BLTP3B: variants seen among roughly 807,000 people sequenced by gnomAD.
BLTP3B encodes UHRF1 (ICBP90) binding protein 1-like.
chr12:100,116,169 C>CAAAAA, the BLTP3B span, among the ~76,000 whole-genome samples: 2 of 107,054 alleles, frequency 1.9e-5, no homozygotes, highest in East Asian at 3.0e-4. Context: ...GAGACTGTCT[C>CAAAAA]AAAAAAAAAA....
the BLTP3B span, chr12:100,082,942 C>A: frequency 9.9e-7 from 1 of 1,014,526 alleles, no homozygotes; most frequent in Non-Finnish European, 1.5e-6. Context: ...AAAATGGTAG[C>A]ATTTGTTATT....
chr12:100,074,389 A>G, the BLTP3B span, among the ~76,000 whole-genome samples: 1 of 152,190 alleles, frequency 6.6e-6, no homozygotes, highest in East Asian at 1.9e-4. Flanking sequence ...ATTTGAGGCC[A>G]GGAGCTCGAG....
chr12:100,080,530 T>C, the BLTP3B span, among the ~76,000 whole-genome samples: 1 of 152,224 alleles, frequency 6.6e-6, no homozygotes, highest in African/African-American at 2.4e-5. Context: ...AAGATTTGAC[T>C]GTCCTGCTGG....
chr12:100,092,301 T>C, the BLTP3B span, among the ~76,000 whole-genome samples: 1 of 152,220 alleles, frequency 6.6e-6, no homozygotes, highest in Non-Finnish European at 1.5e-5. Context: ...TTCTGTGTGA[T>C]ATCTGAAGTA....
At chr12:100,050,459 C>G in the BLTP3B span, 1 of 676,576 alleles carries the variant, frequency 1.5e-6, no homozygotes, top group Non-Finnish European at 2.2e-6. Context: ...ACCTACAGAA[C>G]ACGGTTGTTA....
chr12:100,097,699 C>A, the BLTP3B span, among the ~76,000 whole-genome samples: 4 of 152,094 alleles, frequency 2.6e-5, no homozygotes, highest in South Asian at 4.1e-4. Flanking sequence ...TATTCATATT[C>A]ATCATATGTA....
the BLTP3B span, among the ~76,000 whole-genome samples, chr12:100,106,163 T>C: frequency 1.3e-5 from 2 of 151,810 alleles, no homozygotes; most frequent in African/African-American, 4.8e-5. Context: ...CTCAAAGAAC[T>C]AAAAGTAGAT....
the BLTP3B span, among the ~76,000 whole-genome samples, chr12:100,117,951 G>A: frequency 1.2e-4 from 19 of 152,016 alleles, 1 homozygote; most frequent in East Asian, 2.3e-3. Flanking sequence ...CAGATTTATC[G>A]TGGAGGAGAT....
chr12:100,129,881 T>C, the BLTP3B span, among the ~76,000 whole-genome samples: 4 of 152,214 alleles, frequency 2.6e-5, no homozygotes, highest in Non-Finnish European at 4.4e-5. Flanking sequence ...CTTAAATATT[T>C]CCTTTGTATA....
chr12:100,077,692 T>A, the BLTP3B span, among the ~76,000 whole-genome samples: 4 of 152,156 alleles, frequency 2.6e-5, no homozygotes, highest in African/African-American at 9.7e-5. Flanking sequence ...TAAAACTAAG[T>A]CTCAAAGCCA....
At chr12:100,091,457 G>A in the BLTP3B span, among the ~76,000 whole-genome samples, 1 of 151,528 alleles carries the variant, frequency 6.6e-6, no homozygotes, top group South Asian at 2.1e-4. Flanking sequence ...CAAAGTACTG[G>A]GATTTCAGGC....
chr12:100,074,633 TAC>T, the BLTP3B span, among the ~76,000 whole-genome samples: 2 of 149,024 alleles, frequency 1.3e-5, no homozygotes, highest in African/African-American at 2.5e-5. Context: ...GAAAACAATA[TAC>T]AGACTCAATG....
chr12:100,043,120 TA>T, the BLTP3B span, among the ~76,000 whole-genome samples: 1 of 152,216 alleles, frequency 6.6e-6, no homozygotes, highest in African/African-American at 2.4e-5. Context: ...ATTTTTAAAT[TA>T]AGCTATGTAC....
At chr12:100,103,703 T>C in the BLTP3B span, among the ~76,000 whole-genome samples, 1 of 152,170 alleles carries the variant, frequency 6.6e-6, no homozygotes, top group South Asian at 2.1e-4. Flanking sequence ...CACAGTATTC[T>C]AGACCTGAAA....
chr12:100,057,422 A>G, the BLTP3B span: 1 of 414,748 alleles, frequency 2.4e-6, no homozygotes, highest in Non-Finnish European at 4.0e-6. Flanking sequence ...ACTAAATATA[A>G]GTAGAAATAT....
At chr12:100,094,874 G>A in the BLTP3B span, among the ~76,000 whole-genome samples, 13 of 152,188 alleles carry the variant, frequency 8.5e-5, no homozygotes, top group East Asian at 1.4e-3. Flanking sequence ...AAGCCTAAAT[G>A]TATGCCATTC....
chr12:100,059,739 T>C, the BLTP3B span: 1 of 1,254,818 alleles, frequency 8.0e-7, no homozygotes, highest in Non-Finnish European at 1.1e-6. Flanking sequence ...GAAGAGAATC[T>C]TTTTAAAAAA....
the BLTP3B span, among the ~76,000 whole-genome samples, chr12:100,091,048 G>C: frequency 1.3e-5 from 2 of 149,828 alleles, no homozygotes; most frequent in East Asian, 3.9e-4. Context: ...TTTTTTTGAG[G>C]CAAAGTCTCA....
the BLTP3B span, among the ~76,000 whole-genome samples, chr12:100,141,828 C>T: frequency 3.3e-5 from 5 of 152,000 alleles, no homozygotes; most frequent in African/African-American, 1.2e-4. Flanking sequence ...TGACTAAAAC[C>T]GCGTTATGAA....
Sources: allele counts gnomAD v4.1 joint callset (sites outside exome capture counted in the v4.1 genomes callset), GRCh38; gene constraint gnomAD v4.1.1; transcripts MANE v1.5; gene names NCBI Gene and HGNC (gene_info 2026-07-23, HGNC 2026-07-21).